MESD: variants seen among roughly 807,000 people sequenced by gnomAD.
MESD encodes mesoderm development LRP chaperone, also known as LRP chaperone MESD.
MESD carries 7 observed loss-of-function variants against 12.9 expected under a neutral mutation model. That is an observed-to-expected ratio of 0.54 (90% CI 0.31 to 1.02). The LOEUF (loss-of-function observed/expected upper bound fraction) is 1.02, where lower values mean the gene tolerates loss of function less well. Ranked by LOEUF, MESD falls within the 50% of genes least tolerant of loss-of-function variation. The probability of loss-of-function intolerance (pLI) is 0.05; values close to 1 mark genes in which losing one functional copy is unlikely to be tolerated. For missense variants in MESD, 342 were observed against 296.7 expected (o/e 1.15, Z -1.12); for synonymous variants, 126 against 115.6 (o/e 1.09, Z -0.58).
chr15:80,984,965 C>T lies in MESD; in HGVS notation c.214-2783G>A, dbSNP rs901766650. ...GACCTGGAATCTGGTTTCAGTTTTG[C>T]ATAACTAGCTGTGTGACCCTGCCTA... On this transcript the variant is annotated intron_variant, in intron 1 of 2. Coordinates refer to ENST00000261758, the MANE Select transcript of MESD (RefSeq NM_015154.3). Among the ~76,000 whole-genome samples, 3 of 152,202 alleles carry T rather than the reference C, an allele frequency of 2.0e-5. No individual in the cohort carries two copies. In the South Asian group the frequency reaches 6.2e-4, roughly 32 times the overall value.
chr15:80,958,377 C>G lies in MESD; in HGVS notation c.*289-6081G>C, dbSNP rs529072139. On this transcript the variant is annotated intron_variant, in intron 3 of 4. Transcript: ENST00000561312. ...ATGGGGTCTCACTCTGTCACCCAGG[C>G]TGAAGAGCAGTGGTGCGATCTTGGC... Among the ~76,000 whole-genome samples, 4 of 152,300 alleles carry G rather than the reference C, an allele frequency of 2.6e-5. No individual in the cohort carries two copies. In the East Asian group the frequency reaches 7.7e-4, roughly 29 times the overall value.
rs547662198 is a variant in MESD, at chr15:80,952,219, G to A, written c.*366C>T. 3.7e-4 allele frequency: 170 copies of A among 456,276 alleles called. 1 individual carries two copies. The highest frequency in any genetic ancestry group is 1.7e-3 in the South Asian group (110 of 64,562). The allele number at this position is 456,276 out of a possible 1,614,324, so 28.3% of individuals were successfully genotyped here. A position where few individuals can be genotyped will look rare whatever the true frequency, so the allele number is the denominator to read the frequency against. On this transcript the variant is annotated 3_prime_UTR_variant, in exon 4 of 5. Transcript: ENST00000561312. ...CATGGGGGCTGAGGTGGGAAAAACAGGTCCAAATCAAACTGGCAGACGAGA... is the reference window on the plus strand; with the variant it reads ...CATGGGGGCTGAGGTGGGAAAAACAAGTCCAAATCAAACTGGCAGACGAGA...
intron 1 of MESD, 23 bp from the exon 2 acceptor site, chr15:80,982,205 T>C: frequency 6.3e-7 from 1 of 1,593,474 alleles, no homozygotes; most frequent in Admixed American, 1.7e-5. Flanking sequence ...GGGAAAAGCA[T>C]CAAACCTATC....
chr15:80,987,015 G>A (rs16972624), intron 1 of MESD, among the ~76,000 whole-genome samples: 22,089 of 152,212 alleles, frequency 0.15, 1,601 homozygotes, highest in Middle Eastern at 0.19. Context: ...TCACATGCTA[G>A]AAGTGCAAAC....
rs1335302727 is a variant in MESD at position 80,979,278 on chromosome 15, G to C, written c.646C>G (p.Leu216Val). 10 of 1,613,900 alleles carry C rather than the reference G, an allele frequency of 6.2e-6. No homozygotes were observed. The highest frequency in any genetic ancestry group is 2.7e-5 in the African/African-American group (2 of 74,912). Residue 216 changes from leucine to valine, a missense_variant, in exon 3 of 3, where the codon CTG (leucine) becomes GTG (valine). Physicochemically the swap from Leu to Val is conservative, Grantham distance 32. Coordinates refer to ENST00000261758, the MANE Select transcript of MESD (RefSeq NM_015154.3). ...DKGKKKKEGDLKSRSSKEENR... is the reference protein window; with the variant it reads ...DKGKKKKEGDVKSRSSKEENR... ...TCTTCCTTGGAAGACCGAGATTTCA[G>C]ATCTCCTTCCTTCTTTTTTTTGCCC...
chr15:80,978,910 TC>T lies in MESD; in HGVS notation c.*308del. 2.6e-6 allele frequency: 1 copy of T among 380,570 alleles called. No individual in the cohort carries two copies. Among genetic ancestry groups the T allele is most frequent in the Non-Finnish European group, 4.7e-6 (1 of 210,530 alleles). The allele number at this position is 380,570 out of a possible 1,614,324, so 23.6% of individuals were successfully genotyped here. The stretch of plus-strand genomic sequence containing the variant: ...CAGGTGCTTGGAGGGGAGTGGAATC[TC>T]AGTAGAGTTGATGACTCACCAAGTG... On this transcript the variant is annotated 3_prime_UTR_variant, in exon 3 of 3. Transcript: ENST00000261758.
chr15:80,948,400 A>G, exon 5 of MESD: 1 of 330,326 alleles, frequency 3.0e-6, no homozygotes, highest in East Asian at 7.5e-5. Context: ...TTGTAGATCA[A>G]TGCCATCATT....
At chr15:80,947,155 G>T (rs1901592949), downstream of MESD, 4 of 817,308 alleles carry the variant, frequency 4.9e-6, no homozygotes, top group Non-Finnish European at 8.4e-6. Flanking sequence ...TTGCTGAGTT[G>T]AGAACATGCT....
chr15:80,983,229 C>T (rs73507451), intron 1 of MESD, among the ~76,000 whole-genome samples: 3 of 150,246 alleles, frequency 2.0e-5, no homozygotes, highest in African/African-American at 4.9e-5. Flanking sequence ...GGAGACAGAA[C>T]GAGACCCTGT....
chr15:80,961,277 GAA>G (rs146807735), intron 3 of MESD, among the ~76,000 whole-genome samples: 1 of 115,920 alleles, frequency 8.6e-6, no homozygotes. Context: ...GGAACAAAAA[GAA>G]AAAAAAAAAG....
chr15:80,968,654 T>G (rs919005665), intron 3 of MESD, among the ~76,000 whole-genome samples: 9 of 146,230 alleles, frequency 6.2e-5, no homozygotes, highest in African/African-American at 2.4e-4. Context: ...ACTTTAAAAA[T>G]AAAATAAAAA....
chr15:80,954,187 T>A (rs1901914430), intron 3 of MESD, among the ~76,000 whole-genome samples: 1 of 152,160 alleles, frequency 6.6e-6, no homozygotes, highest in Non-Finnish European at 1.5e-5. Flanking sequence ...CTCCTTCCTC[T>A]CCTGGGCCCA....
downstream of MESD, among the ~76,000 whole-genome samples, chr15:80,975,331 G>A (rs187181792): frequency 1.8e-4 from 27 of 152,128 alleles, no homozygotes; most frequent in African/African-American, 6.5e-4. Flanking sequence ...GCTGCAGTGA[G>A]CTATGAACAC....
intron 3 of MESD, among the ~76,000 whole-genome samples, chr15:80,956,336 T>C (rs1901985116): frequency 6.6e-6 from 1 of 152,344 alleles, no homozygotes; most frequent in African/African-American, 2.4e-5. Flanking sequence ...GGCGTCCAAC[T>C]GCTCCCCTCG....
chr15:80,987,226 G>A (rs1902755925), intron 1 of MESD, among the ~76,000 whole-genome samples: 1 of 152,152 alleles, frequency 6.6e-6, no homozygotes, highest in Admixed American at 6.5e-5. Flanking sequence ...CACTGCTGGG[G>A]AAGGAGTGAG....
intron 2 of MESD, among the ~76,000 whole-genome samples, chr15:80,981,436 CAAAAAAAAAA>C (rs58445538): frequency 2.1e-5 from 1 of 48,460 alleles, no homozygotes; most frequent in African/African-American, 6.5e-5. Flanking sequence ...GACTCCGTCT[CAAAAAAAAAA>C]AAAAAAAAAA....
downstream of MESD, among the ~76,000 whole-genome samples, chr15:80,974,180 G>A (rs978596063): frequency 5.3e-5 from 8 of 152,158 alleles, no homozygotes; most frequent in African/African-American, 1.7e-4. Flanking sequence ...CTCCTTTCCG[G>A]TTCAGCTATA....
At chr15:80,974,262 G>A (rs755437932), downstream of MESD, among the ~76,000 whole-genome samples, 12 of 152,250 alleles carry the variant, frequency 7.9e-5, no homozygotes, top group Non-Finnish European at 1.2e-4. Flanking sequence ...GCTCAGATAC[G>A]GAGGGAAAAG....
chr15:80,974,721 G>A (rs1902366977), downstream of MESD, among the ~76,000 whole-genome samples: 1 of 148,656 alleles, frequency 6.7e-6, no homozygotes, highest in Non-Finnish European at 1.5e-5. Flanking sequence ...TACACAGCAT[G>A]CTCTAGAAGG....
Sources: gnomAD v4.1 joint callset for allele counts (sites outside exome capture counted in the v4.1 genomes callset) on GRCh38, gnomAD v4.1.1 for gene constraint, MANE v1.5 for transcripts, NCBI Gene and HGNC (gene_info 2026-07-23, HGNC 2026-07-21) for gene names.